Variants in NCOA2 observed in about 807,000 individuals in gnomAD.
The protein encoded by NCOA2 is nuclear receptor coactivator 2, also known as class E basic helix-loop-helix protein 75.
NCOA2 carries 21 observed loss-of-function variants against 145.1 expected under a neutral mutation model. The ratio of observed to expected loss-of-function variants is 0.14; its 90% CI spans 0.10 to 0.21. The LOEUF is 0.21. Among genes scored for constraint, NCOA2 ranks in the 10% least tolerant of loss-of-function variants. NCOA2 has a pLI of 1.00. For synonymous variants in NCOA2, 619 were observed against 637.5 expected (o/e 0.97, Z 0.44); for missense variants, 1,472 against 1,837.6 (o/e 0.80, Z 3.64).
the NCOA2 span, among the ~76,000 whole-genome samples, chr8:70,442,113 A>AG: frequency 9.3e-6 from 1 of 107,850 alleles, no homozygotes; most frequent in Non-Finnish European, 2.1e-5. Flanking sequence ...ACAGAGAAAG[A>AG]AAGAAGAAAG....
intron 1 of NCOA2, among the ~76,000 whole-genome samples, chr8:70,390,693 G>A (rs1027098620): frequency 2.6e-5 from 4 of 152,096 alleles, no homozygotes; most frequent in Non-Finnish European, 5.9e-5. Context: ...CTTGAGCCCA[G>A]GAGTTTGAGG....
chr8:70,253,396 G>A (rs543068158), intron 2 of NCOA2, among the ~76,000 whole-genome samples: 1 of 152,056 alleles, frequency 6.6e-6, no homozygotes. Context: ...CATAATCAAA[G>A]AGGGAAAATA....
At position 70,282,865 on chromosome 8, in the gene NCOA2, C is replaced by T. The variant is rs183235754; in HGVS notation, c.-20+13879G>A. On this transcript the variant is annotated intron_variant, in intron 2 of 22. Transcript: ENST00000452400. Reference sequence around the variant, plus strand: ...AGGACCCACATCTGATGTGCAATGACGCTCCAGAGTGATCTCAGTGTCCCC... The same window carrying T: ...AGGACCCACATCTGATGTGCAATGATGCTCCAGAGTGATCTCAGTGTCCCC... 9.2e-5 allele frequency among the ~76,000 whole-genome samples: 14 copies of T among 152,246 alleles called. No individual in the cohort carries two copies. The East Asian group carries it at 1.7e-3, about 19-fold the overall frequency.
intron 6 of NCOA2, among the ~76,000 whole-genome samples, chr8:70,168,669 G>A (rs1326736204): frequency 1.3e-5 from 2 of 152,178 alleles, no homozygotes; most frequent in African/African-American, 4.8e-5. Context: ...ACTACACAGA[G>A]TAGTCAACTG....
intron 15 of NCOA2, among the ~76,000 whole-genome samples, chr8:70,135,987 G>A (rs1214981981): frequency 6.6e-6 from 1 of 152,088 alleles, no homozygotes; most frequent in Non-Finnish European, 1.5e-5. Context: ...TCAAAATTCT[G>A]CAAAAAAGCA....
the NCOA2 span, among the ~76,000 whole-genome samples, chr8:70,411,696 A>G: frequency 6.6e-6 from 1 of 152,258 alleles, no homozygotes. Context: ...TATAAATCAT[A>G]GAGAAATAAC....
intron 2 of NCOA2, among the ~76,000 whole-genome samples, chr8:70,286,982 C>A (rs1171322985): frequency 6.6e-6 from 1 of 152,130 alleles, no homozygotes; most frequent in Non-Finnish European, 1.5e-5. Flanking sequence ...GTGGCTCATG[C>A]TTGTAAACCC....
Position 70,341,082 on chromosome 8 carries a change from GA to G in NCOA2, c.-76-44283del, listed in dbSNP as rs3085558. Among the ~76,000 whole-genome samples the G allele has an allele frequency of 2.7e-3, 286 of 104,874 alleles. 1 individual carries two copies. Among genetic ancestry groups the G allele is most frequent in the Middle Eastern group, 4.7e-3 (1 of 214 alleles). The allele number at this position is 104,874 out of a possible 152,430, so 68.8% of individuals were successfully genotyped here. ...TGTGTACCCCTGAACTTAAAAAGTT[GA>G]AAAAAAAAAAAAAAGAAACAAATAG... On this transcript the variant is annotated intron_variant, in intron 1 of 22. Transcript: ENST00000452400.
the NCOA2 span, among the ~76,000 whole-genome samples, chr8:70,435,115 A>G: frequency 5.3e-5 from 8 of 152,128 alleles, no homozygotes; most frequent in Admixed American, 2.6e-4. Flanking sequence ...CTAAAAATCA[A>G]TTTCTGCTCT....
chr8:70,157,755 C>T (rs1023659895), intron 10 of NCOA2, among the ~76,000 whole-genome samples: 1 of 152,184 alleles, frequency 6.6e-6, no homozygotes, highest in Non-Finnish European at 1.5e-5. Context: ...AGAAACTCTG[C>T]CAGTTCTAGA....
At chr8:70,134,185 C>G (rs2131632839) in intron 15 of NCOA2, among the ~76,000 whole-genome samples, 1 of 152,332 alleles carries the variant, frequency 6.6e-6, no homozygotes, top group Admixed American at 6.5e-5. Flanking sequence ...GATCAGACTG[C>G]TCCACTACTG....
chr8:70,431,280 G>T, the NCOA2 span, among the ~76,000 whole-genome samples: 1 of 151,894 alleles, frequency 6.6e-6, no homozygotes, highest in Non-Finnish European at 1.5e-5. Flanking sequence ...GAACTTGGAG[G>T]GTTCGCTTTT....
the NCOA2 span, among the ~76,000 whole-genome samples, chr8:70,450,570 A>ACTCTTT: frequency 1.6e-5 from 1 of 61,136 alleles, no homozygotes; most frequent in Non-Finnish European, 3.3e-5. Context: ...ACTTCTTTTT[A>ACTCTTT]TTCTTTTTTT....
At chr8:70,306,590 T>C (rs1018687132) in intron 1 of NCOA2, among the ~76,000 whole-genome samples, 6 of 152,176 alleles carry the variant, frequency 3.9e-5, no homozygotes, top group South Asian at 2.1e-4. Context: ...CTATAAATTT[T>C]ACATGCTGGT....
intron 1 of NCOA2, among the ~76,000 whole-genome samples, chr8:70,335,975 AT>A (rs954478011): frequency 2.6e-5 from 4 of 152,018 alleles, no homozygotes; most frequent in African/African-American, 9.7e-5. Context: ...TGTCTGAAAC[AT>A]TTTTTTTAAG....
intron 1 of NCOA2, among the ~76,000 whole-genome samples, chr8:70,375,831 A>G (rs1811615752): frequency 6.6e-6 from 1 of 152,348 alleles, no homozygotes; most frequent in South Asian, 2.1e-4. Flanking sequence ...TATTATATAC[A>G]TGAAGCATAC....
chr8:70,403,633 C>T (rs1317902675), intron 1 of NCOA2, 67 bp downstream of exon 1: 28 of 345,266 alleles, frequency 8.1e-5, no homozygotes, highest in Admixed American at 1.9e-4. Flanking sequence ...GGGGTGGGGA[C>T]GCGGCGCCCC....
chr8:70,233,140 C>T (rs1208796978), intron 2 of NCOA2, among the ~76,000 whole-genome samples: 6 of 151,764 alleles, frequency 4.0e-5, no homozygotes, highest in Admixed American at 2.0e-4. Flanking sequence ...GCAGGAGAAT[C>T]GCTTGAACCC....
At chr8:70,431,881 T>C in the NCOA2 span, among the ~76,000 whole-genome samples, 1 of 152,248 alleles carries the variant, frequency 6.6e-6, no homozygotes, top group African/African-American at 2.4e-5. Flanking sequence ...ATTCATATAG[T>C]TCTGATTTAA....
Sources: allele counts gnomAD v4.1 joint callset (sites outside exome capture counted in the v4.1 genomes callset), GRCh38; gene constraint gnomAD v4.1.1; transcripts MANE v1.5; gene names NCBI Gene and HGNC (gene_info 2026-07-23, HGNC 2026-07-21).